PCDH11X: variants seen among roughly 807,000 people sequenced by gnomAD.
The protein encoded by PCDH11X is protocadherin 11 X-linked.
Under a neutral mutation model 53.3 loss-of-function variants are expected in PCDH11X, and 18 were observed. That is an observed-to-expected ratio of 0.34 (90% confidence interval 0.23 to 0.50). PCDH11X has a LOEUF of 0.50. Among genes scored for constraint, PCDH11X ranks in the 20% least tolerant of loss-of-function variants. The pLI is 0.98. For synonymous variants in PCDH11X, 279 were observed against 393.3 expected (o/e 0.71, Z 3.44); for missense variants, 570 against 1,032.4 (o/e 0.55, Z 6.14).
chrX:91,995,229 CA>C (rs1446570693), intron 6 of PCDH11X, among the ~76,000 whole-genome samples: 1 of 94,815 alleles, frequency 1.1e-5, no homozygotes, highest in African/African-American at 4.0e-5. Context: ...AAAAAAAAAA[CA>C]AAAAAACAAA....
intron 8 of PCDH11X, among the ~76,000 whole-genome samples, chrX:92,283,060 G>C (rs781590174): frequency 2.7e-5 from 3 of 110,675 alleles, no homozygotes; most frequent in African/African-American, 9.8e-5. Context: ...TAATTCTAGA[G>C]CCAGATCTCC....
intron 9 of PCDH11X, among the ~76,000 whole-genome samples, chrX:92,451,512 G>C (rs1224936449): frequency 3.0e-5 from 3 of 100,910 alleles, no homozygotes; most frequent in Non-Finnish European, 5.7e-5. Flanking sequence ...CTTAAAATGT[G>C]TTTCAATCAT....
chrX:91,962,542 T>C (rs1210512514), intron 6 of PCDH11X, among the ~76,000 whole-genome samples: 1 of 111,910 alleles, frequency 8.9e-6, no homozygotes, highest in Non-Finnish European at 1.9e-5. Context: ...GCAATGAGTG[T>C]CTGTGGGTTT....
At chrX:92,100,786 G>T (rs1461448477) in intron 6 of PCDH11X, among the ~76,000 whole-genome samples, 1 of 110,487 alleles carries the variant, frequency 9.1e-6, no homozygotes, top group East Asian at 2.9e-4. Flanking sequence ...GAGAATGGAC[G>T]ATGTTTCTCA....
intron 10 of PCDH11X, among the ~76,000 whole-genome samples, chrX:92,498,074 C>A (rs934419949): frequency 9.0e-6 from 1 of 111,721 alleles, no homozygotes; most frequent in Admixed American, 9.5e-5. Context: ...GGTAAAGACA[C>A]ACTCCCTGTT....
chrX:92,176,683 A>C (rs1166933436), intron 6 of PCDH11X, among the ~76,000 whole-genome samples: 1 of 112,073 alleles, frequency 8.9e-6, no homozygotes, highest in Admixed American at 9.5e-5. Flanking sequence ...TACTATAAGC[A>C]TACCCACATG....
chrX:92,009,339 T>C (rs995076947), intron 6 of PCDH11X, among the ~76,000 whole-genome samples: 4 of 111,662 alleles, frequency 3.6e-5, no homozygotes, highest in Non-Finnish European at 7.5e-5. Context: ...TTTTGAACTT[T>C]AAGTTTTTAA....
intron 6 of PCDH11X, 199 bp downstream of exon 6, chrX:91,879,472 G>T: frequency 1.9e-6 from 2 of 1,060,993 alleles, no homozygotes; most frequent in South Asian, 4.9e-5. Flanking sequence ...TAGGAAAATT[G>T]GATGCAGAAT....
chrX:91,958,168 C>G (rs1452092557), intron 6 of PCDH11X, among the ~76,000 whole-genome samples: 1 of 111,892 alleles, frequency 8.9e-6, no homozygotes, highest in African/African-American at 3.3e-5. Flanking sequence ...TGGTGGCCAC[C>G]CCTCCACCCA....
chrX:91,840,948 C>T (rs970639487), intron 5 of PCDH11X, among the ~76,000 whole-genome samples: 1 of 110,605 alleles, frequency 9.0e-6, no homozygotes, highest in South Asian at 3.8e-4. Flanking sequence ...TGAAGTTTCA[C>T]TTAAAATTTC....
intron 4 of PCDH11X, among the ~76,000 whole-genome samples, chrX:91,819,757 G>A (rs1291529630): frequency 2.0e-5 from 2 of 100,026 alleles, no homozygotes; most frequent in African/African-American, 7.5e-5. Context: ...TGCCATGCTG[G>A]TGTGCTGCAC....
chrX:91,967,322 G>T (rs1404834838), intron 6 of PCDH11X, among the ~76,000 whole-genome samples: 2 of 110,430 alleles, frequency 1.8e-5, no homozygotes, highest in Non-Finnish European at 3.8e-5. Context: ...GAACCAGGCT[G>T]CACAGCAGGA....
At position 92,109,623 on chromosome X, in the gene PCDH11X, C is replaced by A. The variant is rs544231472; in HGVS notation, c.3034-91752C>A. On this transcript the variant is annotated intron_variant, in intron 6 of 10. Transcript: ENST00000682573. ...AAAATAGTGATGTTATCTCCAGGAT[C>A]AATTTGGTGAGGTTCAGACTCTTGC... Among the ~76,000 whole-genome samples the A allele has an allele frequency of 3.7e-4, 41 of 111,569 alleles. No individual in the cohort carries two copies. The South Asian group carries it at 8.8e-3, about 24-fold the overall frequency.
intron 7 of PCDH11X, among the ~76,000 whole-genome samples, chrX:92,250,860 T>A (rs2067447825): frequency 9.2e-6 from 1 of 108,993 alleles, no homozygotes; most frequent in Non-Finnish European, 1.9e-5. Context: ...ATATAAGAGG[T>A]GATAGATCAA....
chrX:91,868,244 A>C (rs1199278547), intron 5 of PCDH11X, among the ~76,000 whole-genome samples: 4 of 112,122 alleles, frequency 3.6e-5, no homozygotes, highest in Non-Finnish European at 5.6e-5. Flanking sequence ...GATACGAACT[A>C]TTCTTACAAT....
chrX:91,824,420 T>G (rs1936825437), intron 4 of PCDH11X, among the ~76,000 whole-genome samples: 1 of 110,882 alleles, frequency 9.0e-6, no homozygotes, highest in Admixed American at 9.7e-5. Flanking sequence ...TTCATTTCAT[T>G]CATTTCATCT....
intron 6 of PCDH11X, among the ~76,000 whole-genome samples, chrX:91,946,557 T>TCATA (rs2061574373): frequency 2.6e-5 from 1 of 38,856 alleles, no homozygotes. Flanking sequence ...CCTGTTTCCC[T>TCATA]CATATATATA....
At chrX:91,806,023 C>A (rs917640262) in intron 1 of PCDH11X, among the ~76,000 whole-genome samples, 2 of 111,532 alleles carry the variant, frequency 1.8e-5, no homozygotes, top group Non-Finnish European at 1.9e-5. Flanking sequence ...ATCAGCAGGA[C>A]TGTAAAAGTG....
Position 92,340,921 on chromosome X carries a change from A to G in PCDH11X, c.3145-46814A>G, listed in dbSNP as rs1363346930. On this transcript the variant is annotated intron_variant, in intron 8 of 10. Transcript: ENST00000682573. ...CACTTGGCTAATTTTTCAACATTTT[A>G]TGCTCCGCCTCCCCATTAAATATAA... Among the ~76,000 whole-genome samples, 10 of 111,714 alleles carry G rather than the reference A, an allele frequency of 9.0e-5. No homozygotes were observed. In the South Asian group the frequency reaches 3.8e-3, roughly 42 times the overall value.
Sources: allele counts gnomAD v4.1 joint callset (sites outside exome capture counted in the v4.1 genomes callset), GRCh38; gene constraint gnomAD v4.1.1; transcripts MANE v1.5; gene names NCBI Gene and HGNC (gene_info 2026-07-23, HGNC 2026-07-21).